Variants in IQCB1 observed in about 807,000 individuals in gnomAD.
IQCB1 encodes the protein IQ calmodulin-binding motif-containing protein 1.
IQCB1 carries 56 observed loss-of-function variants against 84.4 expected under a neutral mutation model. The observed-to-expected ratio is 0.66, with a 90% CI of 0.54 to 0.83. The LOEUF (loss-of-function observed/expected upper bound fraction) is 0.83, where lower values mean the gene tolerates loss of function less well. Ranked by LOEUF, IQCB1 falls within the 40% of genes least tolerant of loss-of-function variation. IQCB1 has a pLI of 0.00. For missense variants in IQCB1, 629 were observed against 682.1 expected, an observed-to-expected ratio of 0.92 and a Z score of 0.87; for synonymous variants, 210 against 234.8, an observed-to-expected ratio of 0.89 and a Z score of 0.96.
chr3:121,792,099 C>T (rs1310724547), intron 10 of IQCB1, among the ~76,000 whole-genome samples: 3 of 151,966 alleles, frequency 2.0e-5, no homozygotes, highest in South Asian at 4.2e-4. Context: ...ACAACAACAA[C>T]GACAAAAAAC....
At chr3:121,827,319 T>C (rs1236128333) in intron 4 of IQCB1, among the ~76,000 whole-genome samples, 1 of 152,128 alleles carries the variant, frequency 6.6e-6, no homozygotes, top group Non-Finnish European at 1.5e-5. Flanking sequence ...TTTTTGTTGT[T>C]GTTGTTGTTT....
chr3:121,771,647 TA>T (rs1947998284), intron 14 of IQCB1, among the ~76,000 whole-genome samples: 1 of 152,150 alleles, frequency 6.6e-6, no homozygotes, highest in African/African-American at 2.4e-5. Flanking sequence ...ATTTAAAGAA[TA>T]GAAACTTTAA....
chr3:121,786,355 G>C (rs1432386107), intron 12 of IQCB1, among the ~76,000 whole-genome samples: 6 of 150,042 alleles, frequency 4.0e-5, no homozygotes, highest in Non-Finnish European at 7.4e-5. Flanking sequence ...TTCTTGGCCA[G>C]GCATGGTGGT....
chr3:121,783,815 G>T (rs75382826), intron 12 of IQCB1, among the ~76,000 whole-genome samples: 12,494 of 151,584 alleles, frequency 0.082, 742 homozygotes, highest in Non-Finnish European at 0.13. Context: ...TTCCTTCTCA[G>T]GTTATTCCCT....
intron 10 of IQCB1, among the ~76,000 whole-genome samples, chr3:121,792,475 C>A (rs1034874102): frequency 8.5e-4 from 128 of 149,850 alleles, no homozygotes; most frequent in African/African-American, 3.1e-3. Flanking sequence ...CTGGCTAACA[C>A]GGTGAAACCC....
chr3:121,789,296 C>A (rs1352199193), intron 11 of IQCB1, among the ~76,000 whole-genome samples: 1 of 152,194 alleles, frequency 6.6e-6, no homozygotes, highest in East Asian at 1.9e-4. Flanking sequence ...ACTCAATAGC[C>A]ATCTCTAGCC....
intron 1 of IQCB1, among the ~76,000 whole-genome samples, chr3:121,834,686 G>A (rs758721721): frequency 6.6e-6 from 1 of 152,170 alleles, no homozygotes; most frequent in African/African-American, 2.4e-5. Context: ...TCTAAGGACC[G>A]AGATTCTGGG....
At chr3:121,831,882 G>T (rs544863378) in intron 2 of IQCB1, among the ~76,000 whole-genome samples, 2 of 152,216 alleles carry the variant, frequency 1.3e-5, no homozygotes. Context: ...CTTTCAAAGA[G>T]AGTGCATATA....
chr3:121,802,136 G>A (rs1379744538), intron 7 of IQCB1, among the ~76,000 whole-genome samples: 1 of 151,934 alleles, frequency 6.6e-6, no homozygotes. Flanking sequence ...TCAGGATAAT[G>A]CTGACCTTAT....
intron 4 of IQCB1, 63 bp from the exon 5 acceptor site, chr3:121,826,243 G>A: frequency 7.2e-6 from 11 of 1,518,944 alleles, no homozygotes. Flanking sequence ...AGCTTCTAGA[G>A]ACACTGTGCC....
chr3:121,824,950 A>G (rs892845607), intron 5 of IQCB1, among the ~76,000 whole-genome samples: 1 of 152,214 alleles, frequency 6.6e-6, no homozygotes, highest in Admixed American at 6.5e-5. Context: ...TAGCTTTTGC[A>G]TGGCACCATA....
chr3:121,809,691 C>A (rs780233957), intron 5 of IQCB1, among the ~76,000 whole-genome samples: 2 of 151,842 alleles, frequency 1.3e-5, no homozygotes, highest in Non-Finnish European at 2.9e-5. Flanking sequence ...AATTAGAGTG[C>A]CACAAGGAGA....
intron 10 of IQCB1, among the ~76,000 whole-genome samples, chr3:121,790,425 T>C (rs534695801): frequency 6.6e-5 from 10 of 152,278 alleles, no homozygotes; most frequent in Admixed American, 2.0e-4. Flanking sequence ...TCTGGAAAAA[T>C]ATTTGAAATA....
intron 5 of IQCB1, among the ~76,000 whole-genome samples, chr3:121,823,698 C>T (rs532696885): frequency 1.4e-3 from 213 of 152,216 alleles, no homozygotes; most frequent in African/African-American, 5.0e-3. Context: ...CAGAATTGCA[C>T]TGTAAGATAT....
Position 121,809,056 on chromosome 3 carries a change from C to CTT in IQCB1, c.394-49_394-48dup, listed in dbSNP as rs35072741. 0.01 allele frequency: 9,166 copies of CTT among 880,308 alleles called. No individual in the cohort carries two copies. The highest frequency in any genetic ancestry group is 0.016 in the South Asian group (963 of 61,484). The allele number at this position is 880,308 out of a possible 1,614,324, so 54.5% of individuals were successfully genotyped here. On this transcript the variant is annotated intron_variant, in intron 5 of 14. Coordinates refer to ENST00000310864, the MANE Select transcript of IQCB1 (RefSeq NM_001023570.4). ...AGTTTACTTTTCTATAGTTTTTTTC[C>CTT]TTTTTTTTTTTTTTAAGGAGACTTC...
chr3:121,819,859 T>G (rs1017323549), intron 5 of IQCB1, among the ~76,000 whole-genome samples: 1 of 152,102 alleles, frequency 6.6e-6, no homozygotes, highest in Non-Finnish European at 1.5e-5. Context: ...AACAATATAT[T>G]TTATATTAGC....
At position 121,793,385 on chromosome 3, in the gene IQCB1, AC is replaced by A. The variant is rs565558255; in HGVS notation, c.986+2071del. Among the ~76,000 whole-genome samples the A allele has an allele frequency of 7.9e-5, 12 of 152,336 alleles. 1 individual carries two copies. In the South Asian group the frequency reaches 2.5e-3, roughly 32 times the overall value. On this transcript the variant is annotated intron_variant, in intron 10 of 14. Coordinates refer to ENST00000310864, the MANE Select transcript of IQCB1 (RefSeq NM_001023570.4). ...TGCTGAATCTAAAGAACACTAATCA[AC>A]CTGGACCCATAAGTGTGACCAGTGG...
At chr3:121,811,778 C>T (rs1486777152) in intron 5 of IQCB1, among the ~76,000 whole-genome samples, 2 of 152,182 alleles carry the variant, frequency 1.3e-5, no homozygotes, top group Non-Finnish European at 2.9e-5. Context: ...CAGTAAGAGG[C>T]TTATACATAA....
At chr3:121,826,705 G>A (rs189665380) in intron 4 of IQCB1, among the ~76,000 whole-genome samples, 28 of 152,080 alleles carry the variant, frequency 1.8e-4, no homozygotes, top group African/African-American at 5.3e-4. Context: ...AAGGACAAAC[G>A]GCAAAACCTA....
Sources: gnomAD v4.1 joint callset for allele counts (sites outside exome capture counted in the v4.1 genomes callset) on GRCh38, gnomAD v4.1.1 for gene constraint, MANE v1.5 for transcripts, NCBI Gene and HGNC (gene_info 2026-07-23, HGNC 2026-07-21) for gene names.